The following OXR1 variants were observed in gnomAD, a reference collection of about 807,000 sequenced individuals.
The protein encoded by OXR1 is oxidation resistance 1.
Under a neutral mutation model 104.6 loss-of-function variants are expected in OXR1, and 41 were observed. That is an observed-to-expected ratio of 0.39 (90% CI 0.31 to 0.51). The LOEUF (loss-of-function observed/expected upper bound fraction) is 0.51. Ranked by LOEUF, OXR1 falls within the 20% of genes least tolerant of loss-of-function variation. The probability of loss-of-function intolerance (pLI) is 0.77; values close to 1 mark genes in which losing one functional copy is unlikely to be tolerated. For synonymous variants in OXR1, 348 were observed against 348.4 expected (o/e 1.00, Z 0.01); for missense variants, 955 against 1,031.9 (o/e 0.93, Z 1.02).
intron 3 of OXR1, among the ~76,000 whole-genome samples, chr8:106,578,983 C>CTTT (rs146593561): frequency 0.27 from 35,351 of 128,826 alleles, 5,231 homozygotes; most frequent in African/African-American, 0.32. Context: ...CTCACTTTTT[C>CTTT]TTTCTTTTTT....
At chr8:106,324,745 A>G (rs985985652) in intron 1 of OXR1, among the ~76,000 whole-genome samples, 3 of 151,984 alleles carry the variant, frequency 2.0e-5, no homozygotes, top group East Asian at 1.9e-4. Flanking sequence ...TTGCCTGTGC[A>G]TTTTCTCACT....
At chr8:106,422,045 G>A (rs966767677) in intron 2 of OXR1, among the ~76,000 whole-genome samples, 9 of 152,038 alleles carry the variant, frequency 5.9e-5, no homozygotes, top group Admixed American at 5.9e-4. Flanking sequence ...TTTTTAAGGG[G>A]GTTCATTATC....
intron 1 of OXR1, among the ~76,000 whole-genome samples, chr8:106,320,804 T>C (rs1216872694): frequency 6.6e-6 from 1 of 152,118 alleles, no homozygotes; most frequent in Non-Finnish European, 1.5e-5. Context: ...CCCGAGTTCC[T>C]GGGATTACAG....
intron 1 of OXR1, among the ~76,000 whole-genome samples, chr8:106,333,829 C>T (rs1449206542): frequency 2.6e-5 from 4 of 152,030 alleles, no homozygotes; most frequent in African/African-American, 9.7e-5. Flanking sequence ...TATGCTTATC[C>T]TATGCCAATA....
At chr8:106,722,648 A>G (rs542889317) in intron 11 of OXR1, among the ~76,000 whole-genome samples, 3 of 152,326 alleles carry the variant, frequency 2.0e-5, no homozygotes, top group South Asian at 4.1e-4. Context: ...TATTCAGTAC[A>G]GTAACGTGCT....
chr8:106,501,662 G>A lies in OXR1; in HGVS notation c.24-17281G>A, dbSNP rs559534332. Among the ~76,000 whole-genome samples, 4 of 152,128 alleles carry A rather than the reference G, an allele frequency of 2.6e-5. No individual in the cohort carries two copies. In the South Asian group the frequency reaches 8.3e-4, roughly 31 times the overall value. ...TGATCCTTGTTCTGAAATGCCTCCT[G>A]CCTCTGCAGAACAAAATCCTTTCCA... On this transcript the variant is annotated intron_variant, in intron 2 of 16. Coordinates refer to ENST00000517566, the MANE Select transcript of OXR1 (RefSeq NM_001198533.2).
intron 1 of OXR1, among the ~76,000 whole-genome samples, chr8:106,294,655 A>G (rs1279765467): frequency 6.6e-6 from 1 of 151,984 alleles, no homozygotes; most frequent in Non-Finnish European, 1.5e-5. Flanking sequence ...TAAATAACCA[A>G]ATGTCATGGG....
chr8:106,447,275 CT>C (rs1246276212), intron 2 of OXR1, among the ~76,000 whole-genome samples: 1 of 152,144 alleles, frequency 6.6e-6, no homozygotes, highest in African/African-American at 2.4e-5. Context: ...CATTAATCTA[CT>C]TTATCTGATT....
Position 106,519,100 on chromosome 8 carries a change from C to G in OXR1, c.181C>G (p.Pro61Ala). 1 of 1,551,944 alleles carries G rather than the reference C, an allele frequency of 6.4e-7. No homozygotes were observed. The highest frequency in any genetic ancestry group is 8.7e-7 in the Non-Finnish European group (1 of 1,146,954). Reference sequence around the variant, plus strand: ...CAATGCAGCAAATACTCAGAAACATCCTTCCAGAAGGAGCGAACTGAAGAG... The same window carrying G: ...CAATGCAGCAAATACTCAGAAACATGCTTCCAGAAGGAGCGAACTGAAGAG... ...QNNAANTQKHPSRRSELKRFY... is the reference protein window; with the variant it reads ...QNNAANTQKHASRRSELKRFY... Residue 61 changes from proline to alanine, a missense_variant, in exon 3 of 17, where the codon CCT becomes GCT. Around this residue, in one of 2 missense-constraint regions of OXR1, gnomAD observed 849 missense variants for 852.9 expected, o/e 1.00. Transcript: ENST00000517566.
At chr8:106,463,354 G>T (rs1292396528) in intron 2 of OXR1, among the ~76,000 whole-genome samples, 1 of 152,028 alleles carries the variant, frequency 6.6e-6, no homozygotes, top group African/African-American at 2.4e-5. Context: ...GTTAAGTCAG[G>T]TATCAATCGA....
At chr8:106,575,533 A>G (rs971234405) in intron 3 of OXR1, among the ~76,000 whole-genome samples, 3 of 152,090 alleles carry the variant, frequency 2.0e-5, no homozygotes, top group Non-Finnish European at 4.4e-5. Context: ...TCATGTATTC[A>G]TTTCTTGTTT....
At chr8:106,730,280 T>G (rs1372619472) in intron 11 of OXR1, among the ~76,000 whole-genome samples, 1 of 152,160 alleles carries the variant, frequency 6.6e-6, no homozygotes. Context: ...GTTCATTCTT[T>G]GAGTTGTATA....
intron 3 of OXR1, among the ~76,000 whole-genome samples, chr8:106,595,550 C>CAAAAAA (rs67790797): frequency 6.6e-4 from 40 of 60,240 alleles, no homozygotes; most frequent in Middle Eastern, 0.011. Context: ...AACTCCGTCT[C>CAAAAAA]AAAAAAAAAA....
intron 11 of OXR1, chr8:106,726,393 G>A: frequency 1.3e-6 from 1 of 745,868 alleles, no homozygotes. Flanking sequence ...ATTTCTGAAA[G>A]TTTAAGCATA....
intron 2 of OXR1, among the ~76,000 whole-genome samples, chr8:106,414,542 C>T (rs1234042754): frequency 2.6e-5 from 4 of 152,208 alleles, no homozygotes; most frequent in Non-Finnish European, 5.9e-5. Flanking sequence ...GTCTTCTTAT[C>T]TATACTACTT....
chr8:106,370,895 G>C (rs1816679089), intron 2 of OXR1, among the ~76,000 whole-genome samples: 1 of 152,186 alleles, frequency 6.6e-6, no homozygotes, highest in Non-Finnish European at 1.5e-5. Flanking sequence ...TTGGTATCAG[G>C]ATGATGCTGG....
chr8:106,412,900 T>A (rs952072898), intron 2 of OXR1, among the ~76,000 whole-genome samples: 1 of 152,116 alleles, frequency 6.6e-6, no homozygotes, highest in Non-Finnish European at 1.5e-5. Context: ...ATCCTATTTA[T>A]TTTTATGGTC....
intron 2 of OXR1, among the ~76,000 whole-genome samples, chr8:106,513,706 C>T (rs1812685924): frequency 6.6e-6 from 1 of 152,138 alleles, no homozygotes; most frequent in Non-Finnish European, 1.5e-5. Context: ...GGGAATTGTG[C>T]AGAACACAAT....
intron 11 of OXR1, among the ~76,000 whole-genome samples, chr8:106,721,214 C>T (rs1832794344): frequency 6.6e-6 from 1 of 151,866 alleles, no homozygotes; most frequent in Non-Finnish European, 1.5e-5. Flanking sequence ...TTGACTTTTC[C>T]AGTCCTTTTG....
Sources: allele counts gnomAD v4.1 joint callset (sites outside exome capture counted in the v4.1 genomes callset), GRCh38; gene constraint gnomAD v4.1.1; regional missense constraint gnomAD v4.1.1; transcripts MANE v1.5; gene names NCBI Gene and HGNC (gene_info 2026-07-23, HGNC 2026-07-21).